CARMIL1: variants seen among roughly 807,000 people sequenced by gnomAD.
CARMIL1 encodes the protein capping protein regulator and myosin 1 linker 1.
In CARMIL1, 90 loss-of-function variants were observed where a neutral mutation model predicts 177.1. That is an observed-to-expected ratio of 0.51 (90% CI 0.43 to 0.61). The LOEUF (loss-of-function observed/expected upper bound fraction) is 0.61, where lower values mean the gene tolerates loss of function less well. CARMIL1 is among the 20% of genes least tolerant of loss of function. The probability of loss-of-function intolerance (pLI) is 0.00; values close to 1 mark genes in which losing one functional copy is unlikely to be tolerated. For synonymous variants in CARMIL1, 577 were observed against 606.2 expected (o/e 0.95, Z 0.71); for missense variants, 1,380 against 1,667.0 (o/e 0.83, Z 3.00).
At chr6:25,318,044 T>C (rs1259828718) in intron 2 of CARMIL1, among the ~76,000 whole-genome samples, 1 of 152,196 alleles carries the variant, frequency 6.6e-6, no homozygotes. Context: ...AACTTGACCT[T>C]GTGTGAGCAT....
At chr6:25,494,129 T>TTTA (rs1246684472) in intron 15 of CARMIL1, among the ~76,000 whole-genome samples, 1 of 150,374 alleles carries the variant, frequency 6.7e-6, no homozygotes, top group Non-Finnish European at 1.5e-5. Flanking sequence ...TATTTATTTA[T>TTTA]TTATTATTAT....
chr6:25,601,693 G>C (rs1469325246), intron 33 of CARMIL1, among the ~76,000 whole-genome samples: 1 of 152,182 alleles, frequency 6.6e-6, no homozygotes, highest in Non-Finnish European at 1.5e-5. Flanking sequence ...TGTTGCTACA[G>C]AGAATAACTT....
At chr6:25,282,964 T>C (rs1412870865) in intron 1 of CARMIL1, among the ~76,000 whole-genome samples, 2 of 152,194 alleles carry the variant, frequency 1.3e-5, no homozygotes, top group African/African-American at 4.8e-5. Flanking sequence ...CATTTATTTG[T>C]TGAACATGTG....
intron 23 of CARMIL1, among the ~76,000 whole-genome samples, chr6:25,526,338 G>T (rs1301478657): frequency 6.6e-6 from 1 of 150,554 alleles, no homozygotes; most frequent in Non-Finnish European, 1.5e-5. Context: ...ACAAGACTCC[G>T]TCTCAAAAAA....
chr6:25,482,021 T>A (rs150324634), intron 11 of CARMIL1, among the ~76,000 whole-genome samples: 6 of 152,298 alleles, frequency 3.9e-5, no homozygotes, highest in African/African-American at 1.4e-4. Flanking sequence ...GTATCTCCAA[T>A]GGAAAAGTTT....
At chr6:25,413,794 C>T (rs1795125497) in intron 2 of CARMIL1, among the ~76,000 whole-genome samples, 1 of 151,906 alleles carries the variant, frequency 6.6e-6, no homozygotes, top group African/African-American at 2.4e-5. Context: ...AGCACATATA[C>T]TCCATCTGAT....
intron 2 of CARMIL1, among the ~76,000 whole-genome samples, chr6:25,297,216 C>T (rs1045066508): frequency 1.3e-5 from 2 of 152,258 alleles, no homozygotes; most frequent in Admixed American, 1.3e-4. Flanking sequence ...ATCACAGTCA[C>T]TGCTTGTGCT....
intron 31 of CARMIL1, among the ~76,000 whole-genome samples, chr6:25,587,029 A>G (rs368612115): frequency 1.8e-5 from 2 of 114,204 alleles, no homozygotes; most frequent in East Asian, 5.9e-4. Context: ...GGAGAGGGAG[A>G]CTGGGGAAAG....
chr6:25,607,017 G>A (rs1293021653), intron 35 of CARMIL1, among the ~76,000 whole-genome samples: 1 of 152,006 alleles, frequency 6.6e-6, no homozygotes, highest in Non-Finnish European at 1.5e-5. Flanking sequence ...GTGTGGTAGT[G>A]CACACCTGTA....
At chr6:25,293,356 A>G (rs920954775) in intron 2 of CARMIL1, among the ~76,000 whole-genome samples, 1 of 147,204 alleles carries the variant, frequency 6.8e-6, no homozygotes, top group African/African-American at 2.5e-5. Flanking sequence ...TCACTGGGTT[A>G]TTTTCCTCAT....
chr6:25,399,315 G>A (rs1032821445), intron 2 of CARMIL1, among the ~76,000 whole-genome samples: 1 of 152,236 alleles, frequency 6.6e-6, no homozygotes. Flanking sequence ...CTGCCAGAAT[G>A]TGGTTGTCTA....
chr6:25,389,589 GT>G (rs1036193123), intron 2 of CARMIL1, among the ~76,000 whole-genome samples: 9 of 152,188 alleles, frequency 5.9e-5, no homozygotes, highest in African/African-American at 1.9e-4. Flanking sequence ...ATGTCAGTTT[GT>G]TTTTATTCTA....
intron 2 of CARMIL1, among the ~76,000 whole-genome samples, chr6:25,363,299 T>C (rs1789427025): frequency 6.6e-6 from 1 of 152,160 alleles, no homozygotes; most frequent in South Asian, 2.1e-4. Flanking sequence ...CCCAAATTTA[T>C]TTGACCAGGG....
intron 2 of CARMIL1, among the ~76,000 whole-genome samples, chr6:25,394,027 A>G (rs1446774222): frequency 2.0e-5 from 3 of 152,170 alleles, no homozygotes; most frequent in Admixed American, 6.5e-5. Flanking sequence ...TTTTTCTAAC[A>G]TACAGATAAG....
intron 11 of CARMIL1, among the ~76,000 whole-genome samples, chr6:25,480,069 C>T (rs1325058687): frequency 2.0e-5 from 3 of 152,098 alleles, no homozygotes; most frequent in African/African-American, 7.2e-5. Context: ...TTTGTTGAGA[C>T]TTTCTTTATG....
At chr6:25,536,545 C>T (rs976936183) in intron 24 of CARMIL1, among the ~76,000 whole-genome samples, 28 of 152,030 alleles carry the variant, frequency 1.8e-4, no homozygotes, top group African/African-American at 6.5e-4. Context: ...GCATTACTGG[C>T]CCTTTTTCAA....
chr6:25,576,126 CATT>C (rs1345334772), intron 29 of CARMIL1, among the ~76,000 whole-genome samples: 21 of 151,992 alleles, frequency 1.4e-4, no homozygotes, highest in Admixed American at 1.2e-3. Context: ...TTAAATTCAT[CATT>C]ATTATTTCAG....
chr6:25,378,817 T>A (rs889498764), intron 2 of CARMIL1, among the ~76,000 whole-genome samples: 2 of 151,316 alleles, frequency 1.3e-5, no homozygotes, highest in African/African-American at 4.9e-5. Flanking sequence ...AGTGTGAATC[T>A]CTCCACACTA....
intron 2 of CARMIL1, among the ~76,000 whole-genome samples, chr6:25,396,169 CT>C (rs11402440): frequency 0.4 from 59,252 of 149,870 alleles, 11,737 homozygotes; most frequent in Middle Eastern, 0.54. Context: ...AATTATTCTG[CT>C]TTTTTTTTTT....
Sources: allele counts gnomAD v4.1 joint callset (sites outside exome capture counted in the v4.1 genomes callset), GRCh38; gene constraint gnomAD v4.1.1; transcripts MANE v1.5; gene names NCBI Gene and HGNC (gene_info 2026-07-23, HGNC 2026-07-21).